EVA1A: variants seen among roughly 807,000 people sequenced by gnomAD.
EVA1A encodes the protein eva-1 homolog A, regulator of programmed cell death.
In EVA1A, 7 loss-of-function variants were observed where a neutral mutation model predicts 9.8. The ratio of observed to expected loss-of-function variants is 0.71; its 90% CI spans 0.41 to 1.34. The LOEUF is 1.34. Ranked by LOEUF, EVA1A falls within the 40% of genes most tolerant of loss-of-function variation. EVA1A has a pLI of 0.01. For missense variants in EVA1A, 206 were observed against 205.9 expected (o/e 1.00, Z 0.00); for synonymous variants, 90 against 85.6 (o/e 1.05, Z -0.28).
intron 1 of EVA1A, among the ~76,000 whole-genome samples, chr2:75,531,597 T>C (rs1320638060): frequency 6.6e-6 from 1 of 151,914 alleles, no homozygotes; most frequent in Non-Finnish European, 1.5e-5. Flanking sequence ...AGGAAAGAAA[T>C]AATGGCATTC....
chr2:75,527,314 T>G (rs998607031), intron 1 of EVA1A, among the ~76,000 whole-genome samples: 4 of 152,196 alleles, frequency 2.6e-5, no homozygotes, highest in Admixed American at 1.3e-4. Context: ...GATGAGACTT[T>G]CATCTGAGAT....
chr2:75,566,939 T>G (rs1677039958), intron 1 of EVA1A, among the ~76,000 whole-genome samples: 1 of 152,156 alleles, frequency 6.6e-6, no homozygotes, highest in Non-Finnish European at 1.5e-5. Context: ...TAAATAAGCA[T>G]AAACAGAACT....
intron 1 of EVA1A, among the ~76,000 whole-genome samples, chr2:75,536,408 A>G (rs982683266): frequency 3.9e-5 from 6 of 152,214 alleles, no homozygotes; most frequent in Non-Finnish European, 4.4e-5. Flanking sequence ...AGGTTTAAAG[A>G]AAAAGGATAA....
chr2:75,560,513 T>A (rs1414589857), intron 1 of EVA1A, among the ~76,000 whole-genome samples, 167 bp downstream of exon 1: 1 of 152,136 alleles, frequency 6.6e-6, no homozygotes, highest in Non-Finnish European at 1.5e-5. Flanking sequence ...GAGTTCCCTG[T>A]GGGACCCAGC....
At chr2:75,533,786 A>ATTATT (rs547573499) in intron 1 of EVA1A, among the ~76,000 whole-genome samples, 7 of 150,708 alleles carry the variant, frequency 4.6e-5, no homozygotes, top group Admixed American at 1.3e-4. Flanking sequence ...AATAATAATT[A>ATTATT]TTATTTTATT....
intron 1 of EVA1A, among the ~76,000 whole-genome samples, chr2:75,568,414 TA>T (rs1482711737): frequency 6.6e-6 from 1 of 151,076 alleles, no homozygotes; most frequent in East Asian, 1.9e-4. Context: ...AATTATTAAA[TA>T]AACCTTCAAG....
intron 1 of EVA1A, among the ~76,000 whole-genome samples, chr2:75,551,658 C>T (rs1676528658): frequency 1.3e-5 from 2 of 152,172 alleles, no homozygotes; most frequent in South Asian, 4.1e-4. Flanking sequence ...GCTGTGTGAC[C>T]TTGGGCAAAT....
intron 1 of EVA1A, among the ~76,000 whole-genome samples, chr2:75,557,873 G>T (rs1676772195): frequency 6.6e-6 from 1 of 152,232 alleles, no homozygotes; most frequent in Non-Finnish European, 1.5e-5. Context: ...CATGATGCAG[G>T]TGGAAAACCC....
Position 75,494,064 on chromosome 2 carries a change from T to G in EVA1A, c.86-455A>C, listed in dbSNP as rs1674121226. The stretch of plus-strand genomic sequence containing the variant: ...GACAGCTTCTGAGATGAACCCCATC[T>G]CCTAGTATTCACACGCTTGTGCAAT... On this transcript the variant is annotated intron_variant, in intron 3 of 3. Coordinates refer to ENST00000393913, the MANE Select transcript of EVA1A (RefSeq NM_001135032.2). 2.6e-5 allele frequency among the ~76,000 whole-genome samples: 4 copies of G among 152,158 alleles called. No homozygotes were observed. The South Asian group carries it at 8.3e-4, about 32-fold the overall frequency.
intron 1 of EVA1A, among the ~76,000 whole-genome samples, chr2:75,549,328 C>T (rs914872415): frequency 1.2e-4 from 19 of 152,116 alleles, no homozygotes; most frequent in African/African-American, 3.1e-4. Flanking sequence ...CACATTTGTG[C>T]GGAGCCACAC....
At chr2:75,528,824 G>T (rs1187287293) in intron 1 of EVA1A, among the ~76,000 whole-genome samples, 2 of 152,172 alleles carry the variant, frequency 1.3e-5, no homozygotes, top group Non-Finnish European at 2.9e-5. Flanking sequence ...ATGCTCTCTT[G>T]AAAGCTCCTG....
intron 3 of EVA1A, among the ~76,000 whole-genome samples, chr2:75,496,676 A>T (rs927352740): frequency 6.6e-6 from 1 of 152,236 alleles, no homozygotes; most frequent in Non-Finnish European, 1.5e-5. Context: ...AATTAGAAAA[A>T]AAAATGATTC....
At chr2:75,552,342 T>C (rs1676555246) in intron 1 of EVA1A, among the ~76,000 whole-genome samples, 1 of 152,148 alleles carries the variant, frequency 6.6e-6, no homozygotes, top group Non-Finnish European at 1.5e-5. Flanking sequence ...TTCCTATAAA[T>C]GCTGCTCCCT....
In EVA1A at chr2:75,492,702, GC is replaced by G. The variant is rs1674074188; in HGVS notation, c.*533del. Reference sequence around the variant, plus strand: ...AAAGTAGGATTTTAATCCCTGAGGTGCCAGTTAAAATGGACGAGGTTGCCCT... The same window carrying G: ...AAAGTAGGATTTTAATCCCTGAGGTGCAGTTAAAATGGACGAGGTTGCCCT... On this transcript the variant is annotated 3_prime_UTR_variant, in exon 4 of 4. Coordinates refer to ENST00000393913, the MANE Select transcript of EVA1A (RefSeq NM_001135032.2). 6.5e-6 allele frequency: 1 copy of G among 153,032 alleles called. No individual in the cohort carries two copies. Among genetic ancestry groups the G allele is most frequent in the Non-Finnish European group, 1.5e-5 (1 of 68,388 alleles). The allele number at this position is 153,032 out of a possible 1,614,324, so 9.5% of individuals were successfully genotyped here.
intron 1 of EVA1A, among the ~76,000 whole-genome samples, chr2:75,538,996 T>A (rs1021785275): frequency 2.0e-5 from 3 of 152,216 alleles, no homozygotes; most frequent in South Asian, 2.1e-4. Context: ...CTGGGGAAAC[T>A]AGCTAAATGG....
chr2:75,497,203 A>C (rs1182054724), intron 3 of EVA1A, among the ~76,000 whole-genome samples: 1 of 152,336 alleles, frequency 6.6e-6, no homozygotes, highest in East Asian at 1.9e-4. Flanking sequence ...TAATTAAACT[A>C]AAGAGCCTCT....
intron 1 of EVA1A, among the ~76,000 whole-genome samples, chr2:75,556,719 T>C (rs111983136): frequency 3.3e-5 from 5 of 152,138 alleles, no homozygotes; most frequent in African/African-American, 4.8e-5. Context: ...TTTCCACGGA[T>C]AGGGGGAGAT....
At chr2:75,555,998 A>T (rs1676698074) in intron 1 of EVA1A, among the ~76,000 whole-genome samples, 1 of 152,118 alleles carries the variant, frequency 6.6e-6, no homozygotes, top group African/African-American at 2.4e-5. Context: ...CTCTGCTCAG[A>T]TCTCTTATTC....
At chr2:75,557,198 A>G (rs1050024148) in intron 1 of EVA1A, among the ~76,000 whole-genome samples, 4 of 152,216 alleles carry the variant, frequency 2.6e-5, no homozygotes, top group Non-Finnish European at 5.9e-5. Flanking sequence ...GTATTTGTGT[A>G]AGGCAGTCTA....
Sources: gnomAD v4.1 joint callset for allele counts (sites outside exome capture counted in the v4.1 genomes callset) on GRCh38, gnomAD v4.1.1 for gene constraint, MANE v1.5 for transcripts, NCBI Gene and HGNC (gene_info 2026-07-23, HGNC 2026-07-21) for gene names.